Variants in NBEA observed in about 807,000 individuals in gnomAD.
NBEA encodes the protein neurobeachin.
Under a neutral mutation model 343.4 loss-of-function variants are expected in NBEA, and 44 were observed. That is an observed-to-expected ratio of 0.13 (90% CI 0.10 to 0.16). The LOEUF is 0.16. Among genes scored for constraint, NBEA ranks in the 10% least tolerant of loss-of-function variants. The probability of loss-of-function intolerance (pLI) is 1.00; values close to 1 mark genes in which losing one functional copy is unlikely to be tolerated. For synonymous variants in NBEA, 1,175 were observed against 1,238.7 expected (o/e 0.95, Z 1.08); for missense variants, 2,555 against 3,631.3 (o/e 0.70, Z 7.62).
At chr13:35,402,327 C>A (rs2043038928) in intron 38 of NBEA, among the ~76,000 whole-genome samples, 1 of 151,880 alleles carries the variant, frequency 6.6e-6, no homozygotes, top group African/African-American at 2.4e-5. Flanking sequence ...AGTACAAAAT[C>A]ATTTCTGTAT....
At chr13:35,339,553 A>G (rs1257387278) in intron 36 of NBEA, among the ~76,000 whole-genome samples, 1 of 152,128 alleles carries the variant, frequency 6.6e-6, no homozygotes, top group East Asian at 1.9e-4. Flanking sequence ...TTGCATTGCT[A>G]TAAAGAAATA....
At chr13:35,458,597 C>G (rs906419709) in intron 40 of NBEA, among the ~76,000 whole-genome samples, 1 of 152,080 alleles carries the variant, frequency 6.6e-6, no homozygotes, top group African/African-American at 2.4e-5. Flanking sequence ...CAAATAATTT[C>G]AATAGCTCAT....
At chr13:35,134,437 C>T (rs1466589056) in intron 17 of NBEA, among the ~76,000 whole-genome samples, 1 of 151,034 alleles carries the variant, frequency 6.6e-6, no homozygotes. Context: ...TTGGACACTG[C>T]CTCCTGACCA....
chr13:35,478,691 C>T (rs2075990232), intron 41 of NBEA, among the ~76,000 whole-genome samples: 1 of 152,244 alleles, frequency 6.6e-6, no homozygotes, highest in Admixed American at 6.5e-5. Context: ...CAGCCTGCAC[C>T]GCCCACGTCC....
chr13:35,430,087 A>G (rs982736845), intron 38 of NBEA, among the ~76,000 whole-genome samples: 2 of 152,086 alleles, frequency 1.3e-5, no homozygotes, highest in Non-Finnish European at 2.9e-5. Flanking sequence ...CCAACAGTGT[A>G]AAATGTTTAC....
At chr13:35,254,726 T>C (rs549695218) in intron 34 of NBEA, among the ~76,000 whole-genome samples, 2 of 152,274 alleles carry the variant, frequency 1.3e-5, no homozygotes, top group African/African-American at 4.8e-5. Flanking sequence ...AACTATATAA[T>C]AACTTCTGGA....
At chr13:35,518,984 G>A (rs2077592197) in intron 41 of NBEA, among the ~76,000 whole-genome samples, 1 of 152,110 alleles carries the variant, frequency 6.6e-6, no homozygotes, top group Admixed American at 6.5e-5. Flanking sequence ...TCTTCCCTTT[G>A]CATTAAGCAA....
intron 1 of NBEA, among the ~76,000 whole-genome samples, chr13:35,034,092 A>G (rs186613572): frequency 3.3e-4 from 50 of 151,828 alleles, no homozygotes; most frequent in Admixed American, 1.5e-3. Context: ...CAGATCTTAG[A>G]GAAATGACTT....
chr13:35,441,933 T>G (rs1274363339), intron 39 of NBEA, among the ~76,000 whole-genome samples: 2 of 152,132 alleles, frequency 1.3e-5, no homozygotes, highest in African/African-American at 4.8e-5. Context: ...TTAATCTTTT[T>G]TTTCATTCTA....
chr13:35,174,092 G>A (rs775368864), intron 27 of NBEA, among the ~76,000 whole-genome samples: 2 of 152,042 alleles, frequency 1.3e-5, no homozygotes, highest in African/African-American at 2.4e-5. Flanking sequence ...TTCTGTGCCT[G>A]GTCCTTGCTT....
At chr13:34,987,868 A>C (rs1462277719) in intron 1 of NBEA, among the ~76,000 whole-genome samples, 4 of 150,816 alleles carry the variant, frequency 2.7e-5, no homozygotes, top group Non-Finnish European at 5.9e-5. Flanking sequence ...TCTTCTATGC[A>C]CTGTTTATTC....
At chr13:35,255,213 T>G (rs2032447795) in intron 34 of NBEA, among the ~76,000 whole-genome samples, 1 of 152,248 alleles carries the variant, frequency 6.6e-6, no homozygotes, top group East Asian at 1.9e-4. Flanking sequence ...AATTTTGGAA[T>G]AAATAGGGAC....
chr13:35,634,491 A>G lies in NBEA; in HGVS notation c.7617+6243A>G, dbSNP rs188856898. On this transcript the variant is annotated intron_variant, in intron 49 of 58. Transcript: ENST00000379939. ...CAGAAGCTGTAAGCATATACCAGAC[A>G]AGTTATTAACAAGATACTAAGTTCT... is the stretch of plus-strand genomic sequence containing the variant. Among the ~76,000 whole-genome samples, 456 of 152,358 alleles carry G rather than the reference A, an allele frequency of 3.0e-3. 3 individuals carry two copies. Among genetic ancestry groups the G allele is most frequent in the Non-Finnish European group, 4.3e-3 (290 of 68,038 alleles).
chr13:35,393,110 G>A (rs1464837267), intron 38 of NBEA, among the ~76,000 whole-genome samples: 1 of 152,084 alleles, frequency 6.6e-6, no homozygotes, highest in African/African-American at 2.4e-5. Context: ...GTTTGAAATT[G>A]TATTTAATCA....
intron 8 of NBEA, among the ~76,000 whole-genome samples, chr13:35,068,246 A>G (rs552398331): frequency 6.6e-6 from 1 of 152,282 alleles, no homozygotes; most frequent in East Asian, 1.9e-4. Context: ...GGACTCAGAA[A>G]AACTAAGACC....
At chr13:35,369,310 T>C (rs571252925) in intron 38 of NBEA, among the ~76,000 whole-genome samples, 2 of 151,622 alleles carry the variant, frequency 1.3e-5, no homozygotes, top group East Asian at 3.9e-4. Context: ...CTTTTGAAGT[T>C]AGGTAGTGTG....
At chr13:35,334,717 A>G (rs1256367776) in intron 36 of NBEA, among the ~76,000 whole-genome samples, 1 of 152,182 alleles carries the variant, frequency 6.6e-6, no homozygotes, top group Non-Finnish European at 1.5e-5. Context: ...ATTTTTACCA[A>G]TAGTGTTATT....
At chr13:35,479,570 A>T (rs1252223967) in intron 41 of NBEA, among the ~76,000 whole-genome samples, 2 of 151,984 alleles carry the variant, frequency 1.3e-5, no homozygotes, top group Non-Finnish European at 2.9e-5. Context: ...GGCTTGGGGG[A>T]TATATTTATT....
chr13:35,663,337 A>G (rs2085195070), intron 55 of NBEA, among the ~76,000 whole-genome samples: 1 of 152,144 alleles, frequency 6.6e-6, no homozygotes, highest in Admixed American at 6.5e-5. Context: ...CAATTTCTTC[A>G]GCTCCCACAT....
Sources: allele counts gnomAD v4.1 joint callset (sites outside exome capture counted in the v4.1 genomes callset), GRCh38; gene constraint gnomAD v4.1.1; transcripts MANE v1.5; gene names NCBI Gene and HGNC (gene_info 2026-07-23, HGNC 2026-07-21).